Variants in SNRNP70 observed in about 807,000 individuals in gnomAD.
The protein encoded by SNRNP70 is U1 small nuclear ribonucleoprotein 70 kDa.
SNRNP70 carries 8 observed loss-of-function variants against 50.5 expected under a neutral mutation model. That is an observed-to-expected ratio of 0.16 (90% CI 0.09 to 0.29). The LOEUF is 0.29. Among genes scored for constraint, SNRNP70 ranks in the 10% least tolerant of loss-of-function variants. The pLI is 1.00. For synonymous variants in SNRNP70, 320 were observed against 252.9 expected (o/e 1.27, Z -2.52); for missense variants, 529 against 663.5 (o/e 0.80, Z 2.23).
At chr19:49,090,623 G>A (rs1032442036) in intron 4 of SNRNP70, 103 bp downstream of exon 4, 2 of 1,092,582 alleles carry the variant, frequency 1.8e-6, no homozygotes, top group South Asian at 1.3e-5. Context: ...CCTGTGTTGT[G>A]GGGAACAGGG....
At chr19:49,095,536 C>CT (rs751326005) in intron 4 of SNRNP70, among the ~76,000 whole-genome samples, 4,415 of 137,476 alleles carry the variant, frequency 0.032, 165 homozygotes, top group African/African-American at 0.086. Context: ...GGGTAGACAC[C>CT]TTTTTTTTTT....
chr19:49,086,461 G>A lies in SNRNP70; in HGVS notation c.47G>A (p.Arg16His). Residue 16 changes from arginine (R) to histidine (H), a missense_variant, in exon 2 of 10, where the codon CGT becomes CAT. Arg to His is a conservative substitution (Grantham distance 29). This residue lies in a region of SNRNP70 where 149 missense variants were observed against 259.7 expected (regional missense o/e 0.57). Transcript: ENST00000598441. ...AACCTTCTGGCCCTCTTTGCCCCCC[G>A]TGACCCTATTCCATACCTGCCACCC... ...PPNLLALFAP[R>H]DPIPYLPPLE... 6.2e-7 allele frequency: 1 copy of A among 1,613,918 alleles called. No homozygotes were observed. Among genetic ancestry groups the A allele is most frequent in the Non-Finnish European group, 8.5e-7 (1 of 1,179,988 alleles).
Position 49,107,948 on chromosome 19 carries a change from G to C in SNRNP70, c.819G>C (p.Glu273Asp). 1 of 1,547,802 alleles carries C rather than the reference G, an allele frequency of 6.5e-7. No homozygotes were observed. The highest frequency in any genetic ancestry group is 8.7e-7 in the Non-Finnish European group (1 of 1,146,158). Residue 273 changes from glutamate to aspartate, a missense_variant, in exon 10 of 10, where the codon GAG becomes GAC. Glu to Asp is a conservative substitution (Grantham distance 45). This residue lies in a region of SNRNP70 where 327 missense variants were observed against 308.8 expected (regional missense o/e 1.06). Transcript: ENST00000598441. This position sits in a 1 kb window ranked among gnomAD's most constrained non-coding sequence, Gnocchi z 6.0. The part of the protein sequence containing the change: ...RRRSRSRDKE[E>D]RRRSRERSKD... ...GCTCACGGAGTCGCGACAAGGAGGA[G>C]CGGAGGCGCTCCAGGGAGCGGAGCA...
At chr19:49,103,492 TC>T (rs1005031298) in intron 7 of SNRNP70, 18 of 143,688 alleles carry the variant, frequency 1.3e-4, no homozygotes, top group Admixed American at 3.5e-4. Flanking sequence ...CGGTCCCGTG[TC>T]CCCCCCCCGG....
intron 4 of SNRNP70, among the ~76,000 whole-genome samples, chr19:49,097,874 CAG>C (rs1435266728): frequency 2.0e-5 from 3 of 152,226 alleles, no homozygotes; most frequent in Non-Finnish European, 4.4e-5. Context: ...TTTAGAGACA[CAG>C]GGCACAGACA....
intron 4 of SNRNP70, among the ~76,000 whole-genome samples, chr19:49,090,971 A>G (rs1015186903): frequency 1.3e-4 from 19 of 151,974 alleles, no homozygotes; most frequent in Admixed American, 2.0e-4. Context: ...TCAGATGTCA[A>G]CCTCCAGTGG....
intron 4 of SNRNP70, among the ~76,000 whole-genome samples, chr19:49,096,851 G>A (rs997772853): frequency 2.7e-5 from 4 of 150,568 alleles, no homozygotes; most frequent in Admixed American, 6.6e-5. Flanking sequence ...CAAATCTGGC[G>A]GGACGCGGTG....
chr19:49,100,001 C>G (rs897770310), intron 6 of SNRNP70, among the ~76,000 whole-genome samples: 1 of 152,206 alleles, frequency 6.6e-6, no homozygotes, highest in African/African-American at 2.4e-5. Context: ...CAGTGACAAC[C>G]TTGGCCCCAC....
intron 4 of SNRNP70, among the ~76,000 whole-genome samples, chr19:49,096,108 AG>A (rs2040510015): frequency 6.7e-6 from 1 of 148,450 alleles, no homozygotes; most frequent in Non-Finnish European, 1.5e-5. Flanking sequence ...CCGAGGCTGG[AG>A]TTCAGTGGTA....
chr19:49,102,553 G>A lies in SNRNP70; in HGVS notation c.475+1082G>A, dbSNP rs547559529. The A allele has an allele frequency of 2.0e-5, 4 of 203,568 alleles. No individual in the cohort carries two copies. The South Asian group carries it at 2.3e-4, about 12-fold the overall frequency. The allele number at this position is 203,568 out of a possible 1,614,324, so 12.6% of individuals were successfully genotyped here. A position where few individuals can be genotyped will look rare whatever the true frequency, so the allele number is the denominator to read the frequency against. On this transcript the variant is annotated intron_variant, in intron 7 of 9. Coordinates refer to ENST00000598441, the MANE Select transcript of SNRNP70 (RefSeq NM_003089.6). ...CCTTCAGCCTTCCCTCCCTGCCCCC[G>A]TGCTTTCTATGGGGCTGCTACTGTG...
At position 49,107,600 on chromosome 19, in the gene SNRNP70, C is replaced by T. The variant is rs746392213; in HGVS notation, c.578-25C>T. The T allele has an allele frequency of 3.1e-6, 5 of 1,609,760 alleles. No individual in the cohort carries two copies. The highest frequency in any genetic ancestry group is 2.2e-5 in the South Asian group (2 of 90,974). On this transcript the variant is annotated intron_variant, in intron 8 of 9. Coordinates refer to ENST00000598441, the MANE Select transcript of SNRNP70 (RefSeq NM_003089.6). This position sits in a 1 kb window ranked among gnomAD's most constrained non-coding sequence, Gnocchi z 6.0. ...GGGCCCTGTCCCTGCCCAGATTCAC[C>T]CTCTGTCCGTCTGCCCTGCCCCAGG...
intron 1 of SNRNP70, 61 bp downstream of exon 1, chr19:49,085,697 G>C (rs1446518172): frequency 1.1e-5 from 5 of 453,746 alleles, no homozygotes; most frequent in African/African-American, 2.0e-5. Context: ...AAGCCCCAGC[G>C]GTGGGCCCGG....
chr19:49,085,879 C>T (rs2040371506), intron 1 of SNRNP70, among the ~76,000 whole-genome samples: 1 of 152,164 alleles, frequency 6.6e-6, no homozygotes, highest in Admixed American at 6.6e-5. Flanking sequence ...TTTCGTTTGT[C>T]TATGTTGTCC....
intron 8 of SNRNP70, among the ~76,000 whole-genome samples, chr19:49,106,581 T>G (rs949949033): frequency 1.3e-5 from 2 of 152,114 alleles, no homozygotes; most frequent in Non-Finnish European, 2.9e-5. Flanking sequence ...CTGCAGCCTC[T>G]TTTCTATACA....
Position 49,086,630 on chromosome 19 carries a change from G to C in SNRNP70, c.147+69G>C, listed in dbSNP as rs2040383613. 9.6e-6 allele frequency: 14 copies of C among 1,452,474 alleles called. No homozygotes were observed. The South Asian group carries it at 1.6e-4, about 17-fold the overall frequency. 90.0% of individuals were successfully genotyped at this position (1,452,474 alleles called of 1,614,324 possible). ...GCAACGGGTTGGATTTGCGAGTCCA[G>C]CTTCTGGCCATTTTGCCAGCTGCGT... is the stretch of plus-strand genomic sequence containing the variant. On this transcript the variant is annotated intron_variant, in intron 2 of 9. Coordinates refer to ENST00000598441, the MANE Select transcript of SNRNP70 (RefSeq NM_003089.6).
At chr19:49,090,242 C>A in intron 2 of SNRNP70, 49 bp from the exon 3 acceptor site, 1 of 1,532,624 alleles carries the variant, frequency 6.5e-7, no homozygotes, top group Non-Finnish European at 9.0e-7. Context: ...GTGTCCCTTG[C>A]CATTTCCCCC....
chr19:49,104,522 C>T lies in SNRNP70; in HGVS notation c.476-112C>T, dbSNP rs982642935. ...TGCCTGGCTGTCTGTTGGGCGTGTG[C>T]GTGTGCGTGATGATGGGGACACGGG... On this transcript the variant is annotated intron_variant, in intron 7 of 9. Transcript: ENST00000598441. The surrounding 1 kb of genome is among the most constrained non-coding windows in gnomAD (Gnocchi z 5.4). 22 of 794,622 alleles carry T rather than the reference C, an allele frequency of 2.8e-5. No homozygotes were observed. Among genetic ancestry groups the T allele is most frequent in the African/African-American group, 1.4e-4 (8 of 58,446 alleles). The allele number at this position is 794,622 out of a possible 1,614,324, so 49.2% of individuals were successfully genotyped here.
At chr19:49,087,388 T>G (rs2040395796) in intron 2 of SNRNP70, among the ~76,000 whole-genome samples, 1 of 152,136 alleles carries the variant, frequency 6.6e-6, no homozygotes, top group Non-Finnish European at 1.5e-5. Flanking sequence ...GGTGGAGAAT[T>G]AAATGGCAAA....
intron 7 of SNRNP70, chr19:49,102,482 G>A (rs1254845347): frequency 3.8e-6 from 1 of 260,568 alleles, no homozygotes; most frequent in Non-Finnish European, 7.9e-6. Context: ...CGGCGAGGTG[G>A]CAGGAACACC....
Sources: gnomAD v4.1 joint callset for allele counts (sites outside exome capture counted in the v4.1 genomes callset) on GRCh38, gnomAD v4.1.1 for gene constraint, gnomAD v4.1.1 regional missense constraint, Gnocchi (gnomAD v3.1) non-coding constraint, MANE v1.5 for transcripts, NCBI Gene and HGNC (gene_info 2026-07-23, HGNC 2026-07-21) for gene names.